The following THSD7A variants were observed in gnomAD, a reference collection of about 807,000 sequenced individuals.
THSD7A encodes thrombospondin type-1 domain-containing protein 7A.
A neutral mutation model predicts 231.3 loss-of-function variants in THSD7A; 96 were observed. The ratio of observed to expected loss-of-function variants is 0.41; its 90% CI spans 0.35 to 0.49. The LOEUF (loss-of-function observed/expected upper bound fraction) is 0.49, where lower values mean the gene tolerates loss of function less well. Among genes scored for constraint, THSD7A ranks in the 20% least tolerant of loss-of-function variants. The pLI is 0.05. For missense variants in THSD7A, 2,290 were observed against 2,070.2 expected (o/e 1.11, Z -2.06); for synonymous variants, 940 against 743.3 (o/e 1.26, Z -4.30).
chr7:11,437,336 T>C (rs912803901), intron 13 of THSD7A, among the ~76,000 whole-genome samples: 1 of 152,114 alleles, frequency 6.6e-6, no homozygotes, highest in African/African-American at 2.4e-5. Context: ...GTGAGCTTAG[T>C]GCTGATCTCC....
intron 1 of THSD7A, among the ~76,000 whole-genome samples, chr7:11,746,674 A>G (rs1360645078): frequency 6.6e-6 from 1 of 151,866 alleles, no homozygotes; most frequent in Non-Finnish European, 1.5e-5. Context: ...TTAGATTAAC[A>G]TGACACTACT....
chr7:11,570,181 GAAAGA>G (rs78432203), intron 4 of THSD7A, among the ~76,000 whole-genome samples: 20 of 151,738 alleles, frequency 1.3e-4, no homozygotes, highest in East Asian at 3.9e-4. Flanking sequence ...AAGAAAAAAA[GAAAGA>G]AAAGAAAAGA....
At chr7:11,522,165 G>T (rs1788292973) in intron 6 of THSD7A, among the ~76,000 whole-genome samples, 1 of 152,108 alleles carries the variant, frequency 6.6e-6, no homozygotes, top group Non-Finnish European at 1.5e-5. Context: ...AGAGCTGTTT[G>T]CCGGAGTGAG....
chr7:11,504,708 T>C (rs1410689497), intron 6 of THSD7A, among the ~76,000 whole-genome samples: 1 of 152,188 alleles, frequency 6.6e-6, no homozygotes, highest in Admixed American at 6.5e-5. Flanking sequence ...TTTTCATGAT[T>C]GTGATAATCA....
At position 11,401,736 on chromosome 7, in the gene THSD7A, A is replaced by AT. The variant is rs368224418; in HGVS notation, c.4411+58dup. On this transcript the variant is annotated intron_variant, in intron 23 of 27. Coordinates refer to ENST00000423059, the MANE Select transcript of THSD7A (RefSeq NM_015204.3). ...CAACTTTGTTTATTTTTAACAGACT[A>AT]TTTTTTTTTTAATCTTATGCTTTTG... 6,696 of 1,245,292 alleles carry AT rather than the reference A, an allele frequency of 5.4e-3. 11 individuals are homozygous for AT. Among genetic ancestry groups the AT allele is most frequent in the South Asian group, 0.022 (1,377 of 63,994 alleles). The allele number at this position is 1,245,292 out of a possible 1,614,324, so 77.1% of individuals were successfully genotyped here.
At chr7:11,677,118 T>G (rs558973345) in intron 1 of THSD7A, among the ~76,000 whole-genome samples, 1 of 152,238 alleles carries the variant, frequency 6.6e-6, no homozygotes, top group South Asian at 2.1e-4. Flanking sequence ...ACATTCAACA[T>G]TTTTAAAGAA....
At chr7:11,392,016 C>T (rs1783001963) in intron 23 of THSD7A, among the ~76,000 whole-genome samples, 1 of 152,168 alleles carries the variant, frequency 6.6e-6, no homozygotes, top group Admixed American at 6.5e-5. Flanking sequence ...TCGCTGGGAT[C>T]TGCAGACCGG....
intron 2 of THSD7A, among the ~76,000 whole-genome samples, chr7:11,619,149 T>G (rs370005994): frequency 6.6e-5 from 10 of 152,050 alleles, no homozygotes; most frequent in African/African-American, 2.2e-4. Context: ...AAATAAGAAA[T>G]ATAAAGAAAC....
At position 11,636,723 on chromosome 7, in the gene THSD7A, A is replaced by T. The variant is rs752078132; in HGVS notation, c.429T>A (p.Pro143=). 4 of 1,613,896 alleles carry T rather than the reference A, an allele frequency of 2.5e-6. No homozygotes were observed. In the Admixed American group the frequency reaches 6.7e-5, roughly 27 times the overall value. Residue 143 remains proline (P), a synonymous_variant, in exon 2 of 28, where the codon CCT becomes CCA. Coordinates refer to ENST00000423059, the MANE Select transcript of THSD7A (RefSeq NM_015204.3). This position sits in a 1 kb window ranked among gnomAD's most constrained non-coding sequence, Gnocchi z 10.0. ...CTTCTTCCCCCTTAATGCACTCAAG[A>T]GGTTTCTCTAGGCTTTTTGAAATCA... The part of the protein sequence containing the change: ...QPVISKSLEK[P]LECIKGEEGI...
At chr7:11,756,067 A>T (rs960346108) in intron 1 of THSD7A, among the ~76,000 whole-genome samples, 1 of 152,084 alleles carries the variant, frequency 6.6e-6, no homozygotes, top group Non-Finnish European at 1.5e-5. Context: ...TTATCATTGC[A>T]TCTGCTTTTA....
chr7:11,396,790 A>T (rs1783203548), intron 23 of THSD7A, among the ~76,000 whole-genome samples: 1 of 152,220 alleles, frequency 6.6e-6, no homozygotes, highest in African/African-American at 2.4e-5. Flanking sequence ...TGAGGCCACC[A>T]TCATCCCGAT....
At chr7:11,645,629 CA>C (rs898424899) in intron 1 of THSD7A, among the ~76,000 whole-genome samples, 2 of 151,754 alleles carry the variant, frequency 1.3e-5, no homozygotes, top group South Asian at 2.1e-4. Context: ...AGGTACCTTT[CA>C]AACAGCCTCA....
intron 6 of THSD7A, among the ~76,000 whole-genome samples, chr7:11,500,959 A>G (rs1014572844): frequency 6.6e-6 from 1 of 151,800 alleles, no homozygotes; most frequent in Non-Finnish European, 1.5e-5. Flanking sequence ...AAAAAAAAGA[A>G]AAAAAGGAGT....
intron 6 of THSD7A, among the ~76,000 whole-genome samples, chr7:11,509,910 T>C (rs1376753197): frequency 6.6e-6 from 1 of 151,538 alleles, no homozygotes; most frequent in Non-Finnish European, 1.5e-5. Context: ...TCAGCATTAC[T>C]GTTCTCACCA....
chr7:11,684,541 A>C (rs935072567), intron 1 of THSD7A, among the ~76,000 whole-genome samples: 9 of 152,002 alleles, frequency 5.9e-5, no homozygotes, highest in Non-Finnish European at 1.3e-4. Flanking sequence ...GTAAAGTTTC[A>C]GGATACAAAA....
chr7:11,506,250 T>C (rs2189319), intron 6 of THSD7A, among the ~76,000 whole-genome samples: 43,712 of 152,044 alleles, frequency 0.29, 6,483 homozygotes, highest in South Asian at 0.42. Flanking sequence ...CTCAACCTCC[T>C]AAAATGCTGG....
At chr7:11,724,081 T>C (rs1281562209) in intron 1 of THSD7A, among the ~76,000 whole-genome samples, 1 of 151,900 alleles carries the variant, frequency 6.6e-6, no homozygotes, top group East Asian at 2.0e-4. Flanking sequence ...AGTTGTGTGA[T>C]TGGGGATACA....
intron 6 of THSD7A, among the ~76,000 whole-genome samples, chr7:11,526,229 C>T (rs1314790673): frequency 6.6e-6 from 1 of 152,162 alleles, no homozygotes; most frequent in Non-Finnish European, 1.5e-5. Context: ...CAGTAACATG[C>T]CCAACTATTT....
At chr7:11,633,615 A>C (rs1781732922) in intron 2 of THSD7A, among the ~76,000 whole-genome samples, 1 of 152,134 alleles carries the variant, frequency 6.6e-6, no homozygotes, top group South Asian at 2.1e-4. Flanking sequence ...AGTTGTGTCT[A>C]ATTTTACCAC....
Sources: gnomAD v4.1 joint callset for allele counts (sites outside exome capture counted in the v4.1 genomes callset) on GRCh38, gnomAD v4.1.1 for gene constraint, Gnocchi (gnomAD v3.1) non-coding constraint, MANE v1.5 for transcripts, NCBI Gene and HGNC (gene_info 2026-07-23, HGNC 2026-07-21) for gene names.